ACACA: variants seen among roughly 807,000 people sequenced by gnomAD.
ACACA encodes the protein acetyl-CoA carboxylase 1.
Under a neutral mutation model 296.1 loss-of-function variants are expected in ACACA, and 103 were observed. The ratio of observed to expected loss-of-function variants is 0.35; its 90% CI spans 0.30 to 0.41. The LOEUF (loss-of-function observed/expected upper bound fraction) is 0.41. Among genes scored for constraint, ACACA ranks in the 10% least tolerant of loss-of-function variants. The pLI, the probability that ACACA is intolerant of heterozygous loss-of-function variation, is 1.00. For synonymous variants in ACACA, 953 were observed against 1,038.6 expected (o/e 0.92, Z 1.58); for missense variants, 1,554 against 2,989.7 (o/e 0.52, Z 11.20).
At chr17:37,217,306 T>C (rs1021619203) in intron 29 of ACACA, among the ~76,000 whole-genome samples, 6 of 134,642 alleles carry the variant, frequency 4.5e-5, no homozygotes, top group Middle Eastern at 4.0e-3. Flanking sequence ...TGGAATTCCA[T>C]ACACAATGAG....
chr17:37,359,451 G>T (rs1597703992), intron 1 of ACACA, among the ~76,000 whole-genome samples: 1 of 151,218 alleles, frequency 6.6e-6, no homozygotes, highest in African/African-American at 2.4e-5. Context: ...CTGGGCAGTC[G>T]TGGCGCCCCT....
At chr17:37,130,016 G>A in intron 46 of ACACA, 59 bp downstream of exon 46, 2 of 1,599,844 alleles carry the variant, frequency 1.3e-6, no homozygotes, top group Non-Finnish European at 1.7e-6. Flanking sequence ...GAGGCAGTGA[G>A]CTGTGGTGGA....
chr17:37,123,484 T>A (rs1052547549), intron 48 of ACACA, among the ~76,000 whole-genome samples: 4 of 152,146 alleles, frequency 2.6e-5, no homozygotes, highest in African/African-American at 9.7e-5. Flanking sequence ...CTCTGGAAAA[T>A]GTGATGCAGT....
chr17:37,365,600 A>C (rs2049579652), intron 1 of ACACA: 2 of 985,406 alleles, frequency 2.0e-6, no homozygotes, highest in Non-Finnish European at 1.2e-6. Context: ...TTGTGATATA[A>C]AAGAAAAATA....
At chr17:37,293,210 T>C (rs2083159504) in intron 3 of ACACA, among the ~76,000 whole-genome samples, 1 of 152,248 alleles carries the variant, frequency 6.6e-6, no homozygotes, top group Admixed American at 6.5e-5. Flanking sequence ...TACTACATTG[T>C]TTCATAAATA....
At chr17:37,250,319 C>G (rs1203064610) in intron 16 of ACACA, among the ~76,000 whole-genome samples, 1 of 152,132 alleles carries the variant, frequency 6.6e-6, no homozygotes, top group Non-Finnish European at 1.5e-5. Context: ...AATTTTGAAC[C>G]ACATGAATGT....
intron 1 of ACACA, among the ~76,000 whole-genome samples, chr17:37,404,571 T>C (rs2051401763): frequency 1.7e-5 from 1 of 60,054 alleles, no homozygotes; most frequent in Non-Finnish European, 3.0e-5. Flanking sequence ...GCCACAGTGA[T>C]TTTTTTTTTT....
chr17:37,194,777 C>T (rs1291941764), intron 35 of ACACA, among the ~76,000 whole-genome samples: 4 of 152,132 alleles, frequency 2.6e-5, no homozygotes, highest in Admixed American at 2.0e-4. Flanking sequence ...ATCTTTTTAT[C>T]TTTTCCTTGG....
chr17:37,163,276 TCTC>T (rs1243398364), intron 41 of ACACA: 1 of 145,742 alleles, frequency 6.9e-6, no homozygotes, highest in East Asian at 2.1e-4. Flanking sequence ...TCTTGCTCCC[TCTC>T]TCACCATGTC....
intron 3 of ACACA, among the ~76,000 whole-genome samples, chr17:37,303,457 G>A (rs1051385482): frequency 6.6e-6 from 1 of 152,158 alleles, no homozygotes; most frequent in African/African-American, 2.4e-5. Flanking sequence ...GAACATTCAT[G>A]TATAAACTTT....
chr17:37,247,374 CT>C (rs59972801), intron 18 of ACACA, among the ~76,000 whole-genome samples: 11 of 145,654 alleles, frequency 7.6e-5, no homozygotes, highest in African/African-American at 2.9e-4. Context: ...TTGTGAATTT[CT>C]TTTTTTTTTG....
chr17:37,212,044 C>T (rs2078770374), intron 29 of ACACA, among the ~76,000 whole-genome samples: 1 of 152,248 alleles, frequency 6.6e-6, no homozygotes, highest in South Asian at 2.1e-4. Context: ...GAATAGTTTT[C>T]CTTTTACGAT....
chr17:37,336,735 G>A (rs2048136779), intron 2 of ACACA, among the ~76,000 whole-genome samples: 1 of 152,172 alleles, frequency 6.6e-6, no homozygotes, highest in Non-Finnish European at 1.5e-5. Flanking sequence ...AGTGCTCTAA[G>A]ATATGGTACA....
At chr17:37,226,247 T>C in intron 26 of ACACA, 92 bp downstream of exon 26, 1 of 949,118 alleles carries the variant, frequency 1.1e-6, no homozygotes, top group Non-Finnish European at 1.7e-6. Context: ...ACATGTTCTT[T>C]GTAAAGTGAT....
At chr17:37,382,588 G>A (rs2050344170) in intron 1 of ACACA, among the ~76,000 whole-genome samples, 1 of 152,116 alleles carries the variant, frequency 6.6e-6, no homozygotes, top group Non-Finnish European at 1.5e-5. Context: ...AGCGTCAGGT[G>A]CGGTGGCTCA....
chr17:37,182,652 G>A (rs2077370362), intron 39 of ACACA, among the ~76,000 whole-genome samples: 3 of 152,172 alleles, frequency 2.0e-5, no homozygotes, highest in African/African-American at 4.8e-5. Flanking sequence ...TAAATTCCCA[G>A]TGCAGTGAAT....
At chr17:37,148,070 T>C (rs1018639885) in intron 45 of ACACA, among the ~76,000 whole-genome samples, 1 of 151,944 alleles carries the variant, frequency 6.6e-6, no homozygotes, top group African/African-American at 2.4e-5. Context: ...TGACTGGGTA[T>C]GGGAACATCA....
Position 37,359,086 on chromosome 17 carries a change from C to A in ACACA, c.39-19236G>T, listed in dbSNP as rs924222616. Reference sequence around the variant, plus strand: ...CGGGAGGAGACGCCGGCGGCTCGGGCGATGGCTGACAGGCGTGCAGCACCA... The same window carrying A: ...CGGGAGGAGACGCCGGCGGCTCGGGAGATGGCTGACAGGCGTGCAGCACCA... On this transcript the variant is annotated intron_variant, in intron 1 of 55. Transcript: ENST00000616317. 1.0e-5 allele frequency: 10 copies of A among 985,716 alleles called. No homozygotes were observed. The African/African-American group carries it at 1.4e-4, about 14-fold the overall frequency. 61.1% of individuals were successfully genotyped at this position (985,716 alleles called of 1,614,324 possible). A position where few individuals can be genotyped will look rare whatever the true frequency, so the allele number is the denominator to read the frequency against.
At chr17:37,140,194 T>A (rs1006916877) in intron 45 of ACACA, among the ~76,000 whole-genome samples, 13 of 152,204 alleles carry the variant, frequency 8.5e-5, no homozygotes, top group African/African-American at 3.1e-4. Context: ...TTGAGGATCC[T>A]CCCACTCTCA....
Sources: allele counts gnomAD v4.1 joint callset (sites outside exome capture counted in the v4.1 genomes callset), GRCh38; gene constraint gnomAD v4.1.1; transcripts MANE v1.5; gene names NCBI Gene and HGNC (gene_info 2026-07-23, HGNC 2026-07-21).